Variants in PHACTR2 observed in about 807,000 individuals in gnomAD.
PHACTR2 encodes the protein chromosome 6 open reading frame 56.
In PHACTR2, 30 loss-of-function variants were observed where a neutral mutation model predicts 76.0. The observed-to-expected ratio is 0.39, with a 90% CI of 0.30 to 0.54. The LOEUF (loss-of-function observed/expected upper bound fraction) is 0.54. Among genes scored for constraint, PHACTR2 ranks in the 20% least tolerant of loss-of-function variants. PHACTR2 has a pLI of 0.61. For synonymous variants in PHACTR2, 292 were observed against 292.5 expected (o/e 1.00, Z 0.02); for missense variants, 696 against 781.1 (o/e 0.89, Z 1.30).
In PHACTR2 at chr6:143,807,015, C is replaced by T; in HGVS notation, c.1846-42C>T. ...CTGTATATACTGGGGCAATATATGA[C>T]CTAAATAACAGTTCTGTTTATCTAT... On this transcript the variant is annotated intron_variant, in intron 11 of 12. Coordinates refer to ENST00000440869, the MANE Select transcript of PHACTR2 (RefSeq NM_001100164.2). This position sits in a 1 kb window ranked among gnomAD's most constrained non-coding sequence, Gnocchi z 5.5. 1 of 1,128,366 alleles carries T rather than the reference C, an allele frequency of 8.9e-7. No individual in the cohort carries two copies. Among genetic ancestry groups the T allele is most frequent in the Non-Finnish European group, 1.3e-6 (1 of 752,732 alleles). 69.9% of individuals were successfully genotyped at this position (1,128,366 alleles called of 1,614,324 possible).
intron 6 of PHACTR2, among the ~76,000 whole-genome samples, chr6:143,771,144 G>GTATATATATATATATGTA (rs1185999309): frequency 1.9e-4 from 6 of 30,826 alleles, no homozygotes; most frequent in South Asian, 1.2e-3. Flanking sequence ...ATATATATAT[G>GTATATATATATATATGTA]TATATATATA....
Position 143,619,777 on chromosome 6 carries a change from T to C in PHACTR2, c.13+11455T>C, listed in dbSNP as rs1319762363. On this transcript the variant is annotated intron_variant, in intron 1 of 11. Coordinates refer to the PHACTR2 transcript ENST00000305766. The surrounding 1 kb of genome is among the most constrained non-coding windows in gnomAD (Gnocchi z 4.5). ...GGCAACCCTCCATTTTTAAAGCAGC[T>C]TGACTTGGGGCATTTTTAATAAGGG... is the stretch of plus-strand genomic sequence containing the variant. Among the ~76,000 whole-genome samples, 1 of 152,214 alleles carries C rather than the reference T, an allele frequency of 6.6e-6. No homozygotes were observed. The highest frequency in any genetic ancestry group is 1.9e-4 in the East Asian group (1 of 5,194).
At chr6:143,814,695 T>C (rs947234262) in intron 12 of PHACTR2, among the ~76,000 whole-genome samples, 7 of 147,388 alleles carry the variant, frequency 4.7e-5, no homozygotes, top group South Asian at 4.4e-4. Context: ...CTCCGCCTCC[T>C]CGGTTCACGC....
rs1778112535 is a variant in PHACTR2 at position 143,709,078 on chromosome 6, A to T, written c.47-2938A>T. ...CATGAAGAAGTAAAACCATACTCTC[A>T]GTTCCCCCTGGGTTTGCCCTCTGGT... On this transcript the variant is annotated intron_variant, in intron 1 of 12. Transcript: ENST00000440869. This position sits in a 1 kb window ranked among gnomAD's most constrained non-coding sequence, Gnocchi z 4.4. 6.6e-6 allele frequency among the ~76,000 whole-genome samples: 1 copy of T among 152,220 alleles called. No homozygotes were observed. The highest frequency in any genetic ancestry group is 2.4e-5 in the African/African-American group (1 of 41,458).
chr6:143,727,924 A>G (rs1778610123), intron 2 of PHACTR2, among the ~76,000 whole-genome samples: 1 of 152,176 alleles, frequency 6.6e-6, no homozygotes. Flanking sequence ...TCCTCTAAGA[A>G]CTGGAACAAG....
chr6:143,807,673 AGGATT>A lies in PHACTR2; in HGVS notation c.1922+542_1922+546del, dbSNP rs760867941. ...TTTGGTTTCACAATAGACATAACAC[AGGATT>A]GAAGCTGACTTTTCAGAAGATGTAA... On this transcript the variant is annotated intron_variant, in intron 12 of 12. Coordinates refer to ENST00000440869, the MANE Select transcript of PHACTR2 (RefSeq NM_001100164.2). This position sits in a 1 kb window ranked among gnomAD's most constrained non-coding sequence, Gnocchi z 5.5. Among the ~76,000 whole-genome samples, 15 of 152,336 alleles carry A rather than the reference AGGATT, an allele frequency of 9.8e-5. No individual in the cohort carries two copies. Among genetic ancestry groups the A allele is most frequent in the Non-Finnish European group, 2.1e-4 (14 of 68,030 alleles).
rs150273716 is a variant in PHACTR2 at position 143,821,054 on chromosome 6, A to G, written c.1923-2620A>G. Among the ~76,000 whole-genome samples the G allele has an allele frequency of 1.3e-5, 2 of 152,374 alleles. No homozygotes were observed. The highest frequency in any genetic ancestry group is 2.9e-5 in the Non-Finnish European group (2 of 68,038). On this transcript the variant is annotated intron_variant, in intron 12 of 12. Transcript: ENST00000440869. This position sits in a 1 kb window ranked among gnomAD's most constrained non-coding sequence, Gnocchi z 5.2. ...GCTGGAGCCAAAGTGGCTGGGATGCAGGGAACAATGTCCTGAGGCTGCACG... is the reference window on the plus strand; with the variant it reads ...GCTGGAGCCAAAGTGGCTGGGATGCGGGGAACAATGTCCTGAGGCTGCACG...
At chr6:143,744,171 T>G (rs941857964) in intron 2 of PHACTR2, among the ~76,000 whole-genome samples, 1 of 152,130 alleles carries the variant, frequency 6.6e-6, no homozygotes, top group Non-Finnish European at 1.5e-5. Context: ...GGACAGAAGG[T>G]TGAGAATTTT....
In PHACTR2 at chr6:143,591,995, G is replaced by A. The variant is rs76833762; in HGVS notation, c.217+54788G>A. On this transcript the variant is annotated intron_variant, in intron 1 of 11. Coordinates refer to the PHACTR2 transcript ENST00000367584. The surrounding 1 kb of genome is among the most constrained non-coding windows in gnomAD (Gnocchi z 6.4). The stretch of plus-strand genomic sequence containing the variant: ...TTAGCCTGGGCATGGCTGTTTGTGG[G>A]TTGTGTTGACAGAAGTGCATTTGTG... Among the ~76,000 whole-genome samples, 1,577 of 152,268 alleles carry A rather than the reference G, an allele frequency of 0.01. 21 individuals carry two copies. Among genetic ancestry groups the A allele is most frequent in the African/African-American group, 0.036 (1,512 of 41,540 alleles).
intron 11 of PHACTR2, among the ~76,000 whole-genome samples, chr6:143,802,347 A>G (rs1405982331): frequency 1.3e-5 from 2 of 152,124 alleles, no homozygotes; most frequent in African/African-American, 4.8e-5. Context: ...TTTCAACAAA[A>G]TCAGTCCCAG....
rs551207649 is a variant in PHACTR2 at position 143,731,373 on chromosome 6, C to T, written c.215-17612C>T. 7.5e-4 allele frequency among the ~76,000 whole-genome samples: 114 copies of T among 151,980 alleles called. No homozygotes were observed. The highest frequency in any genetic ancestry group is 2.7e-3 in the African/African-American group (111 of 41,472). On this transcript the variant is annotated intron_variant, in intron 2 of 12. Transcript: ENST00000440869. The surrounding 1 kb of genome is among the most constrained non-coding windows in gnomAD (Gnocchi z 4.9). ...CACGGTCTTGGCTCACAGCAACCTC[C>T]GCCTCCCAGGTTCAAGTGATTCTCC...
Position 143,783,239 on chromosome 6 carries a change from C to G in PHACTR2, c.1666C>G (p.Gln556Glu), listed in dbSNP as rs748727919. The G allele has an allele frequency of 3.7e-6, 6 of 1,607,760 alleles. No individual in the cohort carries two copies. In the Admixed American group the frequency reaches 1.0e-4, roughly 27 times the overall value. Reference sequence around the variant, plus strand: ...AACAGAAAAGAATGAAGAAGAGGAACAAGAAGCAAAAATGGAACTTAAACG... The same window carrying G: ...AACAGAAAAGAATGAAGAAGAGGAAGAAGAAGCAAAAATGGAACTTAAACG... ...ILKQKNEEEE[Q>E]EAKMELKRRL... The change falls in exon 10 of 13, where the codon CAA (glutamine) becomes GAA (glutamate). Residue 556 changes from glutamine to glutamate, a missense_variant. Physicochemically the swap from Gln to Glu is conservative, Grantham distance 29 (BLOSUM62 2). Transcript: ENST00000440869. The surrounding 1 kb of genome is among the most constrained non-coding windows in gnomAD (Gnocchi z 5.2).
Position 143,627,776 on chromosome 6 carries a change from T to A in PHACTR2, c.13+19454T>A, listed in dbSNP as rs545493521. ...ACCGCCACGCCCAGCTAATTTTTTGTATTTTTAGTAGAGATGGAGTTTCAC... is the reference window on the plus strand; with the variant it reads ...ACCGCCACGCCCAGCTAATTTTTTGAATTTTTAGTAGAGATGGAGTTTCAC... On this transcript the variant is annotated intron_variant, in intron 1 of 11. Coordinates refer to the PHACTR2 transcript ENST00000305766. The surrounding 1 kb of genome is among the most constrained non-coding windows in gnomAD (Gnocchi z 4.3). Among the ~76,000 whole-genome samples, 25 of 152,110 alleles carry A rather than the reference T, an allele frequency of 1.6e-4. No individual in the cohort carries two copies. Among genetic ancestry groups the A allele is most frequent in the Non-Finnish European group, 3.2e-4 (22 of 68,022 alleles).
chr6:143,717,226 A>G (rs1582804826), intron 2 of PHACTR2, among the ~76,000 whole-genome samples: 1 of 152,044 alleles, frequency 6.6e-6, no homozygotes, highest in African/African-American at 2.4e-5. Flanking sequence ...TCCTCCAGCT[A>G]TACCTATTGA....
intron 10 of PHACTR2, among the ~76,000 whole-genome samples, chr6:143,785,558 G>T (rs1350934657): frequency 6.6e-6 from 1 of 152,164 alleles, no homozygotes; most frequent in Non-Finnish European, 1.5e-5. Context: ...GCTCCACTAG[G>T]CAGTGCCCCA....
At position 143,589,498 on chromosome 6, in the gene PHACTR2, T is replaced by G. The variant is rs1251654499; in HGVS notation, c.217+52291T>G. ...GTGGAACCATGAGCCAAGGAAACCT[T>G]TTTTCTTTATTAATTACTCAGTCTC... On this transcript the variant is annotated intron_variant, in intron 1 of 11. Transcript: ENST00000367584. This position sits in a 1 kb window ranked among gnomAD's most constrained non-coding sequence, Gnocchi z 4.4. Among the ~76,000 whole-genome samples, 2 of 152,224 alleles carry G rather than the reference T, an allele frequency of 1.3e-5. No homozygotes were observed. Among genetic ancestry groups the G allele is most frequent in the African/African-American group, 4.8e-5 (2 of 41,518 alleles).
At chr6:143,715,754 T>C (rs1778286995) in intron 2 of PHACTR2, among the ~76,000 whole-genome samples, 1 of 152,218 alleles carries the variant, frequency 6.6e-6, no homozygotes, top group Non-Finnish European at 1.5e-5. Flanking sequence ...CAGCTATCCT[T>C]GTTACTGTAG....
At chr6:143,685,831 G>A (rs1398475320) in intron 1 of PHACTR2, among the ~76,000 whole-genome samples, 1 of 151,984 alleles carries the variant, frequency 6.6e-6, no homozygotes, top group African/African-American at 2.4e-5. Context: ...TATATATTAA[G>A]TCATAAAATG....
At position 143,618,506 on chromosome 6, in the gene PHACTR2, C is replaced by T. The variant is rs1055007336; in HGVS notation, c.13+10184C>T. The stretch of plus-strand genomic sequence containing the variant: ...CTACCTCACATGGTCATGAGCGTCA[C>T]TTGAGAAGGTGTCAGTGTCAGAGGG... On this transcript the variant is annotated intron_variant, in intron 1 of 11. Coordinates refer to the PHACTR2 transcript ENST00000305766. This position sits in a 1 kb window ranked among gnomAD's most constrained non-coding sequence, Gnocchi z 5.2. Among the ~76,000 whole-genome samples the T allele has an allele frequency of 4.6e-5, 7 of 151,912 alleles. No homozygotes were observed. The highest frequency in any genetic ancestry group is 4.6e-4 in the Admixed American group (7 of 15,222).
Sources: allele counts gnomAD v4.1 joint callset (sites outside exome capture counted in the v4.1 genomes callset), GRCh38; gene constraint gnomAD v4.1.1; non-coding constraint Gnocchi (gnomAD v3.1); transcripts MANE v1.5; gene names NCBI Gene and HGNC (gene_info 2026-07-23, HGNC 2026-07-21).